RASAL2: variants seen among roughly 807,000 people sequenced by gnomAD.
RASAL2 encodes the protein ras GTPase-activating protein nGAP.
Under a neutral mutation model 128.9 loss-of-function variants are expected in RASAL2, and 58 were observed. The ratio of observed to expected loss-of-function variants is 0.45; its 90% CI spans 0.36 to 0.56. RASAL2 has a LOEUF of 0.56. Among genes scored for constraint, RASAL2 ranks in the 20% least tolerant of loss-of-function variants. The probability of loss-of-function intolerance (pLI) is 0.00; values close to 1 mark genes in which losing one functional copy is unlikely to be tolerated. For synonymous variants in RASAL2, 561 were observed against 580.8 expected, an observed-to-expected ratio of 0.97 and a Z score of 0.49; for missense variants, 1,360 against 1,601.6, an observed-to-expected ratio of 0.85 and a Z score of 2.57.
chr1:178,261,690 G>T, intron 1 of RASAL2, among the ~76,000 whole-genome samples: 1 of 152,120 alleles, frequency 6.6e-6, no homozygotes, highest in East Asian at 1.9e-4. Flanking sequence ...TGGGAGGCTG[G>T]TGGATCACGA....
At chr1:178,117,050 C>T (rs1659544546) in intron 1 of RASAL2, among the ~76,000 whole-genome samples, 2 of 152,114 alleles carry the variant, frequency 1.3e-5, no homozygotes, top group Admixed American at 1.3e-4. Flanking sequence ...CATAACAGAC[C>T]TGTTAGATGG....
intron 17 of RASAL2, chr1:178,470,826 A>C: frequency 1.0e-6 from 1 of 965,228 alleles, no homozygotes; most frequent in Non-Finnish European, 1.5e-6. Context: ...CCACATGGGA[A>C]TCCTTCCTGT....
chr1:178,192,970 A>G (rs1662541256), intron 1 of RASAL2, among the ~76,000 whole-genome samples: 1 of 152,172 alleles, frequency 6.6e-6, no homozygotes. Flanking sequence ...AGGCAGATAG[A>G]GACAGCCAGA....
At chr1:178,117,675 T>C (rs1271162495) in intron 1 of RASAL2, among the ~76,000 whole-genome samples, 2 of 152,164 alleles carry the variant, frequency 1.3e-5, no homozygotes, top group Non-Finnish European at 2.9e-5. Context: ...TATGGACTTT[T>C]CTGCCATGTG....
At chr1:178,459,245 A>G (rs928100667) in intron 14 of RASAL2, among the ~76,000 whole-genome samples, 1 of 152,188 alleles carries the variant, frequency 6.6e-6, no homozygotes, top group Non-Finnish European at 1.5e-5. Flanking sequence ...AGCTTTGCCA[A>G]GAAACTAATC....
At chr1:178,256,133 C>T (rs1665332162) in intron 1 of RASAL2, among the ~76,000 whole-genome samples, 1 of 152,114 alleles carries the variant, frequency 6.6e-6, no homozygotes, top group Admixed American at 6.5e-5. Flanking sequence ...CAAATTGAAT[C>T]CAGCAACATC....
At chr1:178,166,863 T>C (rs983937247) in intron 1 of RASAL2, among the ~76,000 whole-genome samples, 3 of 152,064 alleles carry the variant, frequency 2.0e-5, no homozygotes, top group Non-Finnish European at 2.9e-5. Flanking sequence ...CTGAAAGTTC[T>C]ATATAGTTTT....
chr1:178,203,019 C>G (rs574932260), intron 1 of RASAL2, among the ~76,000 whole-genome samples: 1 of 152,302 alleles, frequency 6.6e-6, no homozygotes, highest in African/African-American at 2.4e-5. Context: ...CACCATTCCT[C>G]TGGGTGATCA....
At chr1:178,130,802 C>T (rs576476810) in intron 1 of RASAL2, among the ~76,000 whole-genome samples, 1 of 152,256 alleles carries the variant, frequency 6.6e-6, no homozygotes, top group Admixed American at 6.5e-5. Flanking sequence ...CGCCTGTAAT[C>T]CCAGCACTTT....
At chr1:178,411,810 G>A (rs1269026035) in intron 4 of RASAL2, 2 of 772,194 alleles carry the variant, frequency 2.6e-6, no homozygotes, top group Admixed American at 1.7e-5. Context: ...TGGCCCAGAG[G>A]TGCAAGGAGC....
intron 1 of RASAL2, among the ~76,000 whole-genome samples, chr1:178,208,322 A>G (rs568713610): frequency 1.3e-5 from 2 of 152,272 alleles, no homozygotes; most frequent in South Asian, 2.1e-4. Flanking sequence ...TTTTGCTAGC[A>G]AGGAATATTA....
At chr1:178,229,605 A>T (rs1020423206) in intron 1 of RASAL2, among the ~76,000 whole-genome samples, 1 of 152,114 alleles carries the variant, frequency 6.6e-6, no homozygotes, top group Non-Finnish European at 1.5e-5. Flanking sequence ...CAATCATATC[A>T]GGAGGCAAAT....
Position 178,099,129 on chromosome 1 carries a change from G to C in RASAL2, c.202+4435G>C, listed in dbSNP as rs1393535923. On this transcript the variant is annotated intron_variant, in intron 1 of 17. Coordinates refer to ENST00000367649, the MANE Select transcript of RASAL2 (RefSeq NM_170692.4). ...TAAAATGTTGCAACTAGTATGGCTA[G>C]AAGAAAATCAGTGAGTGTGTATAAA... Among the ~76,000 whole-genome samples, 6 of 152,324 alleles carry C rather than the reference G, an allele frequency of 3.9e-5. 1 individual carries two copies. The South Asian group carries it at 1.2e-3, about 32-fold the overall frequency.
chr1:178,198,630 ACAGAACAGCAAATATTG>A (rs578259871), intron 1 of RASAL2, among the ~76,000 whole-genome samples: 26 of 152,326 alleles, frequency 1.7e-4, no homozygotes, highest in African/African-American at 5.5e-4. Flanking sequence ...AGTGGAGGCT[ACAGAACAGCAAATATTG>A]CAGAACAGCA....
At chr1:178,265,570 AG>A (rs1446601838) in intron 1 of RASAL2, among the ~76,000 whole-genome samples, 1 of 152,234 alleles carries the variant, frequency 6.6e-6, no homozygotes, top group Non-Finnish European at 1.5e-5. Flanking sequence ...ATAGATGAGG[AG>A]ATTGAGGTTC....
chr1:178,312,721 C>G (rs921765858), intron 3 of RASAL2, among the ~76,000 whole-genome samples: 1 of 152,120 alleles, frequency 6.6e-6, no homozygotes, highest in Non-Finnish European at 1.5e-5. Context: ...TCCAAGAACA[C>G]AAAATTGATA....
intron 3 of RASAL2, chr1:178,372,422 T>G: frequency 1.1e-6 from 1 of 888,610 alleles, no homozygotes; most frequent in Non-Finnish European, 1.3e-6. Context: ...TTTTGTATTT[T>G]TAAAAGGAGA....
At chr1:178,117,024 T>A (rs1173179335) in intron 1 of RASAL2, among the ~76,000 whole-genome samples, 5 of 152,228 alleles carry the variant, frequency 3.3e-5, no homozygotes, top group Non-Finnish European at 7.3e-5. Context: ...ATACATAATA[T>A]ATCTCATTCT....
intron 1 of RASAL2, among the ~76,000 whole-genome samples, chr1:178,243,343 C>G (rs1003025231): frequency 6.6e-6 from 1 of 152,160 alleles, no homozygotes; most frequent in Admixed American, 6.5e-5. Context: ...AAGGGAATCT[C>G]TGGCCCATTG....
Sources: allele counts gnomAD v4.1 joint callset (sites outside exome capture counted in the v4.1 genomes callset), GRCh38; gene constraint gnomAD v4.1.1; transcripts MANE v1.5; gene names NCBI Gene and HGNC (gene_info 2026-07-23, HGNC 2026-07-21).